Variants in TBC1D8 observed in about 807,000 individuals in gnomAD.
The protein encoded by TBC1D8 is BUB2-like protein 1.
In TBC1D8, 65 loss-of-function variants were observed where a neutral mutation model predicts 118.8. The observed-to-expected ratio is 0.55, with a 90% confidence interval of 0.45 to 0.67. The LOEUF (loss-of-function observed/expected upper bound fraction) is 0.67, where lower values mean the gene tolerates loss of function less well. TBC1D8 is among the 30% of genes least tolerant of loss of function. The probability of loss-of-function intolerance (pLI) is 0.00; values close to 1 mark genes in which losing one functional copy is unlikely to be tolerated. For missense variants in TBC1D8, 1,376 were observed against 1,471.2 expected (o/e 0.94, Z 1.06); for synonymous variants, 566 against 595.8 (o/e 0.95, Z 0.73).
intron 1 of TBC1D8, among the ~76,000 whole-genome samples, chr2:101,126,118 G>A (rs1678343746): frequency 6.6e-6 from 1 of 152,188 alleles, no homozygotes; most frequent in Non-Finnish European, 1.5e-5. Context: ...TCCACTCGTG[G>A]TGGAAGGTGA....
chr2:101,146,093 T>C (rs974607354), intron 1 of TBC1D8, among the ~76,000 whole-genome samples: 3 of 152,346 alleles, frequency 2.0e-5, no homozygotes, highest in East Asian at 1.9e-4. Context: ...ATAACCATTA[T>C]GCATTGCTGA....
rs571166883 is a variant in TBC1D8, at chr2:101,081,570, C to T, written c.283+8639G>A. Among the ~76,000 whole-genome samples, 245 of 152,270 alleles carry T rather than the reference C, an allele frequency of 1.6e-3. 2 individuals are homozygous for T. Among genetic ancestry groups the T allele is most frequent in the African/African-American group, 5.4e-3 (225 of 41,558 alleles). Reference sequence around the variant, plus strand: ...TGAAAGGCAACCCTGAAGTGGGCCCCCTGGGACCCTCCCCATGCTCTCGGG... The same window carrying T: ...TGAAAGGCAACCCTGAAGTGGGCCCTCTGGGACCCTCCCCATGCTCTCGGG... On this transcript the variant is annotated intron_variant, in intron 2 of 19. Transcript: ENST00000409318.
intron 2 of TBC1D8, among the ~76,000 whole-genome samples, chr2:101,073,698 C>T (rs1029488870): frequency 6.6e-6 from 1 of 152,238 alleles, no homozygotes. Flanking sequence ...TCCATCAGTA[C>T]TTGCTGCTTC....
chr2:101,021,874 C>G (rs1299937715), intron 16 of TBC1D8, 128 bp from the exon 17 acceptor site: 4 of 663,264 alleles, frequency 6.0e-6, no homozygotes, highest in Non-Finnish European at 1.1e-5. Flanking sequence ...CTGCCCCAGA[C>G]ACACACCATG....
intron 5 of TBC1D8, among the ~76,000 whole-genome samples, chr2:101,043,087 A>G (rs1262293250): frequency 6.6e-6 from 1 of 152,246 alleles, no homozygotes; most frequent in African/African-American, 2.4e-5. Flanking sequence ...AAACACAGAG[A>G]AAGTCCTCTG....
rs1471910451 is a variant in TBC1D8, at chr2:101,007,702, T to C, written c.*119A>G. 1.4e-5 allele frequency: 14 copies of C among 1,035,650 alleles called. No homozygotes were observed. Among genetic ancestry groups the C allele is most frequent in the Non-Finnish European group, 1.8e-5 (13 of 704,614 alleles). The allele number at this position is 1,035,650 out of a possible 1,614,324, so 64.2% of individuals were successfully genotyped here. A position where few individuals can be genotyped will look rare whatever the true frequency, so the allele number is the denominator to read the frequency against. Reference sequence around the variant, plus strand: ...CCTGGCCACAGTTTGTCAGGTTGTTTAGCCAGATGCCCCATTGGTAAGGTA... The same window carrying C: ...CCTGGCCACAGTTTGTCAGGTTGTTCAGCCAGATGCCCCATTGGTAAGGTA... On this transcript the variant is annotated 3_prime_UTR_variant, in exon 20 of 20. Coordinates refer to ENST00000409318, the MANE Select transcript of TBC1D8 (RefSeq NM_001330348.2).
chr2:101,062,861 C>T (rs778113556), intron 2 of TBC1D8, among the ~76,000 whole-genome samples: 9 of 152,124 alleles, frequency 5.9e-5, no homozygotes, highest in Non-Finnish European at 1.2e-4. Context: ...AGGCTGGCAT[C>T]GAACTCCTGA....
intron 2 of TBC1D8, among the ~76,000 whole-genome samples, chr2:101,064,875 G>A (rs1284857752): frequency 1.3e-5 from 2 of 151,958 alleles, no homozygotes; most frequent in African/African-American, 4.8e-5. Flanking sequence ...AAAAAACAAG[G>A]TAACTGCCAG....
At chr2:101,084,991 G>A (rs1675515878) in intron 2 of TBC1D8, among the ~76,000 whole-genome samples, 1 of 151,754 alleles carries the variant, frequency 6.6e-6, no homozygotes, top group South Asian at 2.1e-4. Context: ...TGGGACTACA[G>A]GCACCTGCCA....
At chr2:101,060,402 A>T in intron 2 of TBC1D8, among the ~76,000 whole-genome samples, 1 of 152,210 alleles carries the variant, frequency 6.6e-6, no homozygotes, top group East Asian at 1.9e-4. Context: ...CAGCTTACAA[A>T]TGCATACTTC....
chr2:101,071,465 TA>T (rs1231753080), intron 2 of TBC1D8, among the ~76,000 whole-genome samples: 2 of 152,264 alleles, frequency 1.3e-5, no homozygotes, highest in Non-Finnish European at 2.9e-5. Flanking sequence ...AGTTAATTGT[TA>T]TTGACTGGTA....
At chr2:101,128,641 G>C (rs2104250905) in intron 1 of TBC1D8, among the ~76,000 whole-genome samples, 1 of 152,306 alleles carries the variant, frequency 6.6e-6, no homozygotes, top group East Asian at 1.9e-4. Context: ...TTGTACACCT[G>C]TTTTCACGGC....
chr2:101,061,054 G>C (rs1339579777), intron 2 of TBC1D8, among the ~76,000 whole-genome samples: 1 of 151,996 alleles, frequency 6.6e-6, no homozygotes, highest in Non-Finnish European at 1.5e-5. Context: ...CAGTCACGGT[G>C]GTGGGCCCCC....
chr2:101,100,692 C>A (rs1446275037), intron 1 of TBC1D8, among the ~76,000 whole-genome samples: 1 of 152,050 alleles, frequency 6.6e-6, no homozygotes, highest in Non-Finnish European at 1.5e-5. Flanking sequence ...AAAACAGGCA[C>A]ACAGACCAAT....
chr2:101,072,374 G>C (rs924259932), intron 2 of TBC1D8, among the ~76,000 whole-genome samples: 7 of 151,992 alleles, frequency 4.6e-5, no homozygotes, highest in African/African-American at 1.7e-4. Flanking sequence ...GAGAGAGAAG[G>C]AGAGAGAGAG....
At chr2:101,025,760 C>T (rs1458070391) in intron 15 of TBC1D8, among the ~76,000 whole-genome samples, 2 of 152,306 alleles carry the variant, frequency 1.3e-5, no homozygotes, top group South Asian at 2.1e-4. Context: ...GCAGTAGGAA[C>T]GCGTTTGTGG....
Position 101,028,455 on chromosome 2 carries a change from G to A in TBC1D8, c.2223-23C>T, listed in dbSNP as rs185056141. On this transcript the variant is annotated intron_variant, in intron 12 of 19. Coordinates refer to ENST00000409318, the MANE Select transcript of TBC1D8 (RefSeq NM_001330348.2). ...AACCTGAACACACCGCCCCGTCAAC[G>A]CCCAAGTCCATCCTCATTCGGGTAC... The A allele has an allele frequency of 1.1e-3, 1,713 of 1,533,120 alleles. 1 individual carries two copies. Among genetic ancestry groups the A allele is most frequent in the African/African-American group, 2.3e-3 (165 of 72,606 alleles). 95.0% of individuals were successfully genotyped at this position (1,533,120 alleles called of 1,614,324 possible).
intron 1 of TBC1D8, among the ~76,000 whole-genome samples, chr2:101,122,196 C>T (rs1255652779): frequency 6.6e-6 from 1 of 150,696 alleles, no homozygotes; most frequent in African/African-American, 2.4e-5. Flanking sequence ...CTCAGCCTCC[C>T]AAGCAGCTGG....
At chr2:101,104,102 G>A (rs1677045574) in intron 1 of TBC1D8, among the ~76,000 whole-genome samples, 1 of 151,636 alleles carries the variant, frequency 6.6e-6, no homozygotes, top group Non-Finnish European at 1.5e-5. Context: ...GAATTTGAAG[G>A]AAAAAAAATT....
Sources: allele counts gnomAD v4.1 joint callset (sites outside exome capture counted in the v4.1 genomes callset), GRCh38; gene constraint gnomAD v4.1.1; transcripts MANE v1.5; gene names NCBI Gene and HGNC (gene_info 2026-07-23, HGNC 2026-07-21).